SYNE1: variants seen among roughly 807,000 people sequenced by gnomAD.
SYNE1 encodes the protein spectrin repeat containing nuclear envelope protein 1, also known as nesprin-1.
In SYNE1, 616 loss-of-function variants were observed where a neutral mutation model predicts 1,111.0. The observed-to-expected ratio is 0.55, with a 90% confidence interval of 0.52 to 0.59. SYNE1 has a LOEUF of 0.59. Among genes scored for constraint, SYNE1 ranks in the 20% least tolerant of loss-of-function variants. The pLI, the probability that SYNE1 is intolerant of heterozygous loss-of-function variation, is 0.00. For synonymous variants in SYNE1, 3,855 were observed against 3,825.8 expected, an observed-to-expected ratio of 1.01 and a Z score of -0.28; for missense variants, 10,006 against 10,417.0, an observed-to-expected ratio of 0.96 and a Z score of 1.72.
rs1343734798 is a variant in SYNE1 at position 152,461,584 on chromosome 6, A to G, written c.2394+13T>C. 6.2e-7 allele frequency: 1 copy of G among 1,613,926 alleles called. No homozygotes were observed. The highest frequency in any genetic ancestry group is 8.5e-7 in the Non-Finnish European group (1 of 1,179,876). ...TGTCACACAGCCTATTGTGCATTAA[A>G]TTATTTTCGCACCTTGGTTAGCTGC... is the stretch of plus-strand genomic sequence containing the variant. On this transcript the variant is annotated intron_variant, in intron 21 of 145. Coordinates refer to ENST00000367255, the MANE Select transcript of SYNE1 (RefSeq NM_182961.4).
intron 3 of SYNE1, among the ~76,000 whole-genome samples, chr6:152,611,032 T>C (rs2099629833): frequency 6.6e-6 from 1 of 152,164 alleles, no homozygotes; most frequent in South Asian, 2.1e-4. Flanking sequence ...TACCAGCCAC[T>C]GTAAAAACAT....
intron 91 of SYNE1, among the ~76,000 whole-genome samples, chr6:152,307,544 G>A (rs554297400): frequency 1.1e-4 from 16 of 152,234 alleles, no homozygotes; most frequent in African/African-American, 3.6e-4. Flanking sequence ...CCAAGGGAAA[G>A]AGTGAATTTG....
chr6:152,431,439 A>G (rs1048830220), intron 34 of SYNE1, among the ~76,000 whole-genome samples: 3 of 152,356 alleles, frequency 2.0e-5, no homozygotes. Context: ...CTGGGGGAAG[A>G]AAGGACATTT....
At chr6:152,509,611 T>G (rs2154337057) in intron 8 of SYNE1, among the ~76,000 whole-genome samples, 1 of 152,070 alleles carries the variant, frequency 6.6e-6, no homozygotes, top group East Asian at 1.9e-4. Flanking sequence ...ACATGTAAAT[T>G]TATTATGCCT....
In SYNE1 at chr6:152,441,265, T is replaced by C. The variant is rs1176346554; in HGVS notation, c.4014A>G (p.Thr1338=). 1.2e-6 allele frequency: 2 copies of C among 1,606,628 alleles called. No homozygotes were observed. The highest frequency in any genetic ancestry group is 1.7e-6 in the Non-Finnish European group (2 of 1,175,284). ...TTTCAAATCGCTCCCATTTTCTTAA[T>C]GTGACCTAAATTTGAAAAAATAAAC... The part of the protein sequence containing the change: ...RERQERRIQV[T]LRKWERFETN... Residue 1338 remains threonine, a synonymous_variant, in exon 32 of 146, where the codon ACA becomes ACG. Coordinates refer to ENST00000367255, the MANE Select transcript of SYNE1 (RefSeq NM_182961.4).
rs187101822 is a variant in SYNE1, at chr6:152,349,519, A to G, written c.11901+649T>C. ...TCTGATGCCTTTGGCTGCATTTTCT[A>G]AAATAGATTCCATAAAGACTAAATT... is the stretch of plus-strand genomic sequence containing the variant. On this transcript the variant is annotated intron_variant, in intron 72 of 145. Transcript: ENST00000367255. 6.1e-4 allele frequency among the ~76,000 whole-genome samples: 93 copies of G among 152,332 alleles called. 2 individuals are homozygous for G. The East Asian group carries it at 0.016, about 27-fold the overall frequency.
chr6:152,502,595 G>A (rs1231655912), intron 10 of SYNE1, 38 bp downstream of exon 10: 1 of 1,445,656 alleles, frequency 6.9e-7, no homozygotes, highest in African/African-American at 1.4e-5. Context: ...CACTGTCATT[G>A]CATATACCAG....
chr6:152,207,292 T>G (rs1378585746), intron 125 of SYNE1, among the ~76,000 whole-genome samples: 7 of 152,204 alleles, frequency 4.6e-5, no homozygotes, highest in Admixed American at 3.3e-4. Flanking sequence ...GCATCTGTGA[T>G]GCACATAGAC....
chr6:152,271,553 A>T (rs1211697119), intron 98 of SYNE1, among the ~76,000 whole-genome samples: 1 of 152,178 alleles, frequency 6.6e-6, no homozygotes, highest in Non-Finnish European at 1.5e-5. Context: ...TTTCTCAAAG[A>T]TAAGCAGTGA....
At chr6:152,444,386 T>C in intron 30 of SYNE1, 25 bp downstream of exon 30, 1 of 1,612,230 alleles carries the variant, frequency 6.2e-7, no homozygotes, top group Non-Finnish European at 8.5e-7. Context: ...TACATAATCT[T>C]GTTGGAAGAA....
chr6:152,151,850 C>T (rs1427871797), intron 134 of SYNE1, 109 bp downstream of exon 134: 13 of 1,496,932 alleles, frequency 8.7e-6, no homozygotes, highest in Non-Finnish European at 1.2e-5. Context: ...GTTTACTCCT[C>T]CTGCCATCCC....
chr6:152,154,800 G>A, intron 133 of SYNE1, 92 bp downstream of exon 133: 2 of 1,411,650 alleles, frequency 1.4e-6, no homozygotes, highest in Non-Finnish European at 2.0e-6. Flanking sequence ...GATAACATGT[G>A]GTGAACAGCT....
At chr6:152,325,001 C>A in intron 81 of SYNE1, 83 bp downstream of exon 81, 2 of 1,528,554 alleles carry the variant, frequency 1.3e-6, no homozygotes, top group Admixed American at 1.7e-5. Context: ...AGGCTGACTT[C>A]AAAAAGGGGC....
intron 133 of SYNE1, among the ~76,000 whole-genome samples, chr6:152,153,912 C>T (rs975184976): frequency 2.0e-5 from 3 of 152,202 alleles, no homozygotes; most frequent in Admixed American, 6.5e-5. Flanking sequence ...AAAAAGCGAA[C>T]TTCTTATTTC....
chr6:152,484,384 C>T (rs1034575899), intron 13 of SYNE1, among the ~76,000 whole-genome samples: 2 of 152,064 alleles, frequency 1.3e-5, no homozygotes, highest in African/African-American at 4.8e-5. Context: ...AAAAAAGATG[C>T]TTGAATTAAA....
intron 117 of SYNE1, among the ~76,000 whole-genome samples, chr6:152,223,076 T>C (rs554678931): frequency 2.1e-4 from 32 of 152,264 alleles, no homozygotes; most frequent in African/African-American, 7.2e-4. Flanking sequence ...CTGATTACCC[T>C]CAAATGAAAA....
At chr6:152,227,727 T>C (rs1053102494) in intron 115 of SYNE1, among the ~76,000 whole-genome samples, 1 of 152,158 alleles carries the variant, frequency 6.6e-6, no homozygotes, top group Non-Finnish European at 1.5e-5. Context: ...TGATGTTAAC[T>C]TTTTCTCAGT....
chr6:152,347,688 T>G (rs576077062), intron 72 of SYNE1, among the ~76,000 whole-genome samples: 26 of 151,286 alleles, frequency 1.7e-4, no homozygotes, highest in Middle Eastern at 3.4e-3. Flanking sequence ...CATTCTTTTT[T>G]TTTTTTTTTT....
intron 14 of SYNE1, among the ~76,000 whole-genome samples, chr6:152,482,685 C>T (rs1384770982): frequency 6.6e-6 from 1 of 152,176 alleles, no homozygotes; most frequent in Non-Finnish European, 1.5e-5. Flanking sequence ...CCCCACCCCA[C>T]AGCACCAAGA....
Sources: allele counts gnomAD v4.1 joint callset (sites outside exome capture counted in the v4.1 genomes callset), GRCh38; gene constraint gnomAD v4.1.1; transcripts MANE v1.5; gene names NCBI Gene and HGNC (gene_info 2026-07-23, HGNC 2026-07-21).